RANBP2: variants seen among roughly 807,000 people sequenced by gnomAD.
The protein encoded by RANBP2 is E3 SUMO-protein ligase RanBP2.
RANBP2 carries 57 observed loss-of-function variants against 303.6 expected under a neutral mutation model. That is an observed-to-expected ratio of 0.19 (90% CI 0.15 to 0.23). The LOEUF (loss-of-function observed/expected upper bound fraction) is 0.23, where lower values mean the gene tolerates loss of function less well. Among genes scored for constraint, RANBP2 ranks in the 10% least tolerant of loss-of-function variants. The pLI is 1.00. For missense variants in RANBP2, 3,138 were observed against 3,780.8 expected, an observed-to-expected ratio of 0.83 and a Z score of 4.46; for synonymous variants, 1,167 against 1,301.5, an observed-to-expected ratio of 0.90 and a Z score of 2.23.
the RANBP2 span, among the ~76,000 whole-genome samples, chr2:109,314,281 A>G: frequency 6.6e-6 from 1 of 152,132 alleles, no homozygotes; most frequent in Non-Finnish European, 1.5e-5. Flanking sequence ...GTTTTAGGAG[A>G]AAGTTTTATT....
the RANBP2 span, among the ~76,000 whole-genome samples, chr2:108,905,161 C>T: frequency 6.6e-6 from 1 of 152,112 alleles, no homozygotes. Flanking sequence ...GGTGTTAAGA[C>T]CTGCAGGTGA....
chr2:108,750,896 G>A (rs1675829461), intron 9 of RANBP2, among the ~76,000 whole-genome samples: 2 of 152,164 alleles, frequency 1.3e-5, no homozygotes, highest in Non-Finnish European at 2.9e-5. Flanking sequence ...TAATATAGTG[G>A]TGTTCCATTG....
the RANBP2 span, among the ~76,000 whole-genome samples, chr2:108,931,242 G>A: frequency 6.6e-6 from 1 of 152,228 alleles, no homozygotes; most frequent in African/African-American, 2.4e-5. Flanking sequence ...AGCCATGCCT[G>A]GGAGGGAGCC....
At chr2:109,273,158 G>A in the RANBP2 span, among the ~76,000 whole-genome samples, 1 of 152,218 alleles carries the variant, frequency 6.6e-6, no homozygotes, top group African/African-American at 2.4e-5. Flanking sequence ...CCGCTGTACA[G>A]GAAATTAAGG....
chr2:109,084,344 G>A, the RANBP2 span, among the ~76,000 whole-genome samples: 1 of 152,156 alleles, frequency 6.6e-6, no homozygotes, highest in Admixed American at 6.6e-5. Flanking sequence ...ATTTGGAGAC[G>A]GAGAACAAAG....
chr2:108,986,323 G>A, the RANBP2 span, among the ~76,000 whole-genome samples: 1 of 152,184 alleles, frequency 6.6e-6, no homozygotes, highest in Non-Finnish European at 1.5e-5. Context: ...CCTCGCCTCT[G>A]AGGACAGGAG....
chr2:109,116,947 C>G, the RANBP2 span, among the ~76,000 whole-genome samples: 2 of 152,186 alleles, frequency 1.3e-5, no homozygotes, highest in African/African-American at 2.4e-5. Context: ...AGAACAGCAG[C>G]TTTTCATGAA....
the RANBP2 span, among the ~76,000 whole-genome samples, chr2:109,409,902 G>T: frequency 1.3e-5 from 2 of 152,114 alleles, no homozygotes; most frequent in African/African-American, 4.8e-5. Flanking sequence ...TGCTCCTTGG[G>T]GTGATGACAG....
At chr2:109,744,291 C>A in the RANBP2 span, among the ~76,000 whole-genome samples, 3 of 89,954 alleles carry the variant, frequency 3.3e-5, no homozygotes, top group African/African-American at 8.9e-5. Context: ...TGTTTTTTGA[C>A]TTTGTAATAA....
the RANBP2 span, among the ~76,000 whole-genome samples, chr2:109,575,850 T>G: frequency 6.6e-6 from 1 of 152,216 alleles, no homozygotes; most frequent in African/African-American, 2.4e-5. Context: ...GACCTTTTAG[T>G]CCTTGAGGAT....
At chr2:109,692,409 A>G in the RANBP2 span, among the ~76,000 whole-genome samples, 24 of 152,192 alleles carry the variant, frequency 1.6e-4, no homozygotes, top group African/African-American at 5.5e-4. Flanking sequence ...AACAGACTCT[A>G]AACCACTGAG....
At chr2:108,932,255 G>A in the RANBP2 span, among the ~76,000 whole-genome samples, 356 of 152,182 alleles carry the variant, frequency 2.3e-3, 2 homozygotes, top group South Asian at 0.026. Flanking sequence ...GAGGCTGAGC[G>A]CGGTGGCTCA....
At chr2:109,742,437 A>AAAACAAACAAACAAAC in the RANBP2 span, among the ~76,000 whole-genome samples, 3 of 144,880 alleles carry the variant, frequency 2.1e-5, no homozygotes, top group African/African-American at 8.0e-5. Context: ...AACAAAAACA[A>AAAACAAACAAACAAAC]AAACAAACAA....
the RANBP2 span, among the ~76,000 whole-genome samples, chr2:108,799,870 T>C: frequency 6.6e-6 from 1 of 152,176 alleles, no homozygotes; most frequent in Non-Finnish European, 1.5e-5. Flanking sequence ...TCATTATTTC[T>C]TTTTTAATCT....
the RANBP2 span, among the ~76,000 whole-genome samples, chr2:109,390,107 C>T: frequency 7.6e-4 from 115 of 152,284 alleles, 1 homozygote; most frequent in East Asian, 0.011. Context: ...AAGTGTCTAC[C>T]GGAGGCCATG....
chr2:109,013,708 T>C, the RANBP2 span, among the ~76,000 whole-genome samples: 2 of 151,676 alleles, frequency 1.3e-5, no homozygotes, highest in Admixed American at 6.6e-5. Context: ...ACCTCCTGAG[T>C]AGCTGTGATT....
At chr2:109,416,419 A>AC in the RANBP2 span, among the ~76,000 whole-genome samples, 19 of 151,310 alleles carry the variant, frequency 1.3e-4, no homozygotes, top group South Asian at 1.9e-3. Context: ...ACATGGCGAA[A>AC]CCCCCCCGTT....
rs1676955213 is a variant in RANBP2 at position 108,764,283 on chromosome 2, C to G, written c.3744C>G (p.Ile1248Met). Residue 1248 changes from isoleucine (I) to methionine (M), a missense_variant, in exon 20 of 29, where the codon ATC becomes ATG. Physicochemically the swap from Ile to Met is conservative, Grantham distance 10. This residue lies in a region of RANBP2 where 72 missense variants were observed against 119.5 expected (regional missense o/e 0.60). Transcript: ENST00000283195. ...TGAAAATCTGTGCAAATCATTACATCAGTCCAGATATGAAATTGACACCAA... is the reference window on the plus strand; with the variant it reads ...TGAAAATCTGTGCAAATCATTACATGAGTCCAGATATGAAATTGACACCAA... ...QVLKICANHYISPDMKLTPNA... is the reference protein window; with the variant it reads ...QVLKICANHYMSPDMKLTPNA... 1.2e-6 allele frequency: 2 copies of G among 1,613,794 alleles called. No homozygotes were observed. The highest frequency in any genetic ancestry group is 1.7e-6 in the Non-Finnish European group (2 of 1,179,988).
the RANBP2 span, among the ~76,000 whole-genome samples, chr2:109,325,368 G>T: frequency 9.3e-6 from 1 of 107,320 alleles, no homozygotes; most frequent in Non-Finnish European, 1.7e-5. Flanking sequence ...TGGAGACCAG[G>T]TCTTGCTCTG....
Sources: gnomAD v4.1 joint callset for allele counts (sites outside exome capture counted in the v4.1 genomes callset) on GRCh38, gnomAD v4.1.1 for gene constraint, gnomAD v4.1.1 regional missense constraint, MANE v1.5 for transcripts, NCBI Gene and HGNC (gene_info 2026-07-23, HGNC 2026-07-21) for gene names.